The following WNT11 variants were observed in gnomAD, a reference collection of about 807,000 sequenced individuals.
The protein encoded by WNT11 is protein Wnt-11.
In WNT11, 20 loss-of-function variants were observed where a neutral mutation model predicts 35.6. That is an observed-to-expected ratio of 0.56 (90% confidence interval 0.40 to 0.82). WNT11 has a LOEUF of 0.82. WNT11 is among the 40% of genes least tolerant of loss of function. WNT11 has a pLI of 0.00. For synonymous variants in WNT11, 200 were observed against 211.9 expected, an observed-to-expected ratio of 0.94 and a Z score of 0.49; for missense variants, 459 against 504.4, an observed-to-expected ratio of 0.91 and a Z score of 0.86.
chr11:76,208,219 T>C (rs1162775512), upstream of WNT11, among the ~76,000 whole-genome samples: 1 of 152,246 alleles, frequency 6.6e-6, no homozygotes, highest in Non-Finnish European at 1.5e-5. Flanking sequence ...GGCGCGTTCC[T>C]GCGCGTGGGT....
Position 76,194,462 on chromosome 11 carries a change from G to A in WNT11, c.597+105C>T. 1.5e-6 allele frequency: 2 copies of A among 1,355,024 alleles called. No individual in the cohort carries two copies. Among genetic ancestry groups the A allele is most frequent in the Non-Finnish European group, 2.0e-6 (2 of 1,003,878 alleles). 83.9% of individuals were successfully genotyped at this position (1,355,024 alleles called of 1,614,324 possible). The stretch of plus-strand genomic sequence containing the variant: ...AGGCACATCAGGTGTGGGCCAGTCA[G>A]GGCCCGTCCCCCCGCACCCCCCACC... On this transcript the variant is annotated intron_variant, in intron 3 of 4. Coordinates refer to ENST00000322563, the MANE Select transcript of WNT11 (RefSeq NM_004626.3). This position sits in a 1 kb window ranked among gnomAD's most constrained non-coding sequence, Gnocchi z 5.4.
chr11:76,197,185 C>A (rs1416069633), intron 1 of WNT11, among the ~76,000 whole-genome samples: 1 of 152,180 alleles, frequency 6.6e-6, no homozygotes. Flanking sequence ...TTAACTGAAG[C>A]CTTTCTAGAT....
In WNT11 at chr11:76,191,094, C is replaced by T. The variant is rs541568964; in HGVS notation, c.890+470G>A. On this transcript the variant is annotated intron_variant, in intron 4 of 4. Coordinates refer to ENST00000322563, the MANE Select transcript of WNT11 (RefSeq NM_004626.3). ...CTGCACGGAATGCAGGCAGACATCA[C>T]TCTCCCTCACACAGTGTAGGCTGTC... 1.6e-4 allele frequency among the ~76,000 whole-genome samples: 24 copies of T among 152,296 alleles called. 1 individual carries two copies. The highest frequency in any genetic ancestry group is 5.8e-4 in the African/African-American group (24 of 41,550).
chr11:76,199,139 A>C (rs1369010468), intron 1 of WNT11, among the ~76,000 whole-genome samples: 2 of 152,128 alleles, frequency 1.3e-5, no homozygotes, highest in South Asian at 2.1e-4. Context: ...TCTCAAAAAA[A>C]TAAAATAAAA....
At chr11:76,202,197 C>G (rs549546386) in intron 1 of WNT11, among the ~76,000 whole-genome samples, 1 of 152,312 alleles carries the variant, frequency 6.6e-6, no homozygotes, top group East Asian at 1.9e-4. Flanking sequence ...AGCCTGGCAG[C>G]TGCCCACCCA....
chr11:76,200,445 T>C (rs1446267619), intron 1 of WNT11, among the ~76,000 whole-genome samples: 1 of 152,148 alleles, frequency 6.6e-6, no homozygotes, highest in African/African-American at 2.4e-5. Context: ...TGTCAACAGC[T>C]CTTCCACCTC....
chr11:76,194,579 T>C lies in WNT11; in HGVS notation c.585A>G (p.Glu195=). Reference sequence around the variant, plus strand: ...GGTGGGTGGTTACCTGTCTCCCCACTTCACTGTTGTGTAGACGCATCAGTT... The same window carrying C: ...GGTGGGTGGTTACCTGTCTCCCCACCTCACTGTTGTGTAGACGCATCAGTT... ...ANKLMRLHNS[E]VGRQALRASL... The change falls in exon 3 of 5, where the codon GAA becomes GAG. Residue 195 remains glutamate, a synonymous_variant. Coordinates refer to ENST00000322563, the MANE Select transcript of WNT11 (RefSeq NM_004626.3). This position sits in a 1 kb window ranked among gnomAD's most constrained non-coding sequence, Gnocchi z 5.4. 2 of 1,547,742 alleles carry C rather than the reference T, an allele frequency of 1.3e-6. No homozygotes were observed. The highest frequency in any genetic ancestry group is 1.7e-6 in the Non-Finnish European group (2 of 1,145,016).
intron 1 of WNT11, among the ~76,000 whole-genome samples, chr11:76,197,941 G>A (rs1030630275): frequency 1.3e-5 from 2 of 152,180 alleles, no homozygotes; most frequent in Non-Finnish European, 2.9e-5. Flanking sequence ...GAGTCAGCTG[G>A]CCTTCAGCAA....
intron 4 of WNT11, 28 bp from the exon 5 acceptor site, chr11:76,187,267 T>G (rs758728278): frequency 1.3e-6 from 2 of 1,587,128 alleles, no homozygotes; most frequent in African/African-American, 1.3e-5. Flanking sequence ...AGGAGGTCAG[T>G]GCATGCCTTG....
chr11:76,195,341 G>A (rs1953264705), intron 2 of WNT11, among the ~76,000 whole-genome samples: 1 of 152,242 alleles, frequency 6.6e-6, no homozygotes, highest in African/African-American at 2.4e-5. Context: ...GTGGGCCCTA[G>A]GCCAGTGGCT....
upstream of WNT11, among the ~76,000 whole-genome samples, chr11:76,209,875 G>A (rs557480379): frequency 2.0e-5 from 3 of 151,946 alleles, no homozygotes; most frequent in East Asian, 5.8e-4. Context: ...CCTCGGGGCC[G>A]GGGACAGGAC....
intron 1 of WNT11, among the ~76,000 whole-genome samples, chr11:76,205,107 C>T (rs1953450871): frequency 6.6e-6 from 1 of 152,166 alleles, no homozygotes; most frequent in Non-Finnish European, 1.5e-5. Context: ...TTGCTGAGAC[C>T]AGGCTTCTTG....
intron 3 of WNT11, 151 bp from the exon 4 acceptor site, chr11:76,192,007 G>A: frequency 8.3e-6 from 9 of 1,081,158 alleles, no homozygotes; most frequent in Non-Finnish European, 1.2e-5. Flanking sequence ...TTTAAAGCTT[G>A]GAGGTGGTGT....
chr11:76,197,267 TC>T (rs1404469279), intron 1 of WNT11, among the ~76,000 whole-genome samples: 1 of 152,224 alleles, frequency 6.6e-6, no homozygotes, highest in Admixed American at 6.5e-5. Context: ...TGTTGTAAAG[TC>T]CCATATCCAT....
At position 76,191,604 on chromosome 11, in the gene WNT11, T is replaced by C; in HGVS notation, c.850A>G (p.Met284Val). The C allele has an allele frequency of 1.2e-6, 2 of 1,613,056 alleles. No homozygotes were observed. Among genetic ancestry groups the C allele is most frequent in the East Asian group, 2.2e-5 (1 of 44,844 alleles). ...VYLQSSPDFC[M>V]KNEKVGSHGT... is the part of the protein sequence containing the mutation. ...TGGGAGCCCACCTTCTCATTCTTCA[T>C]GCAGAAGTCAGGTGAGCTCTGCAGA... The change falls in exon 4 of 5, where the codon ATG becomes GTG. Residue 284 changes from methionine (M) to valine (V), a missense_variant. By Grantham distance (21) the Met-to-Val change is conservative (BLOSUM62 1). Coordinates refer to ENST00000322563, the MANE Select transcript of WNT11 (RefSeq NM_004626.3).
chr11:76,191,448 A>G, intron 4 of WNT11, 116 bp downstream of exon 4: 1 of 1,208,296 alleles, frequency 8.3e-7, no homozygotes, highest in Non-Finnish European at 1.2e-6. Context: ...TCAACTGAGC[A>G]GGGTCTCCAT....
In WNT11 at chr11:76,194,733, G is replaced by C. The variant is rs1055689550; in HGVS notation, c.431C>G (p.Pro144Arg). 6 of 1,550,678 alleles carry C rather than the reference G, an allele frequency of 3.9e-6. No homozygotes were observed. The African/African-American group carries it at 8.2e-5, about 21-fold the overall frequency. ...DLPGCSCGPV[P>R]GEPPGPGNRW... ...GTTCCCGGGCCCGGGTGGCTCACCTGGGACGGGGCCGCAGGAGCAGCCGGG... is the reference window on the plus strand; with the variant it reads ...GTTCCCGGGCCCGGGTGGCTCACCTCGGACGGGGCCGCAGGAGCAGCCGGG... Residue 144 changes from proline (P) to arginine (R), a missense_variant, in exon 3 of 5, where the codon CCA (proline) becomes CGA (arginine). Coordinates refer to ENST00000322563, the MANE Select transcript of WNT11 (RefSeq NM_004626.3). The surrounding 1 kb of genome is among the most constrained non-coding windows in gnomAD (Gnocchi z 5.4).
upstream of WNT11, among the ~76,000 whole-genome samples, chr11:76,209,621 G>T (rs1320855289): frequency 6.6e-6 from 1 of 151,762 alleles, no homozygotes; most frequent in Non-Finnish European, 1.5e-5. Flanking sequence ...TTTGACCCCA[G>T]CCGTGAGGCT....
At chr11:76,203,126 C>T (rs1227812440) in intron 1 of WNT11, among the ~76,000 whole-genome samples, 2 of 152,256 alleles carry the variant, frequency 1.3e-5, no homozygotes, top group Admixed American at 1.3e-4. Context: ...AAGGGCAGGG[C>T]TTGCCCAGAT....
Sources: allele counts gnomAD v4.1 joint callset (sites outside exome capture counted in the v4.1 genomes callset), GRCh38; gene constraint gnomAD v4.1.1; non-coding constraint Gnocchi (gnomAD v3.1); transcripts MANE v1.5; gene names NCBI Gene and HGNC (gene_info 2026-07-23, HGNC 2026-07-21).